FAT4: variants seen among roughly 807,000 people sequenced by gnomAD.
FAT4 encodes the protein FAT atypical cadherin 4, also known as protocadherin Fat 4.
Under a neutral mutation model 303.9 loss-of-function variants are expected in FAT4, and 84 were observed. The observed-to-expected ratio is 0.28, with a 90% CI of 0.23 to 0.33. FAT4 has a LOEUF of 0.33. Ranked by LOEUF, FAT4 falls within the 10% of genes least tolerant of loss-of-function variation. FAT4 has a pLI of 1.00. For synonymous variants in FAT4, 2,307 were observed against 2,298.8 expected (o/e 1.00, Z -0.10); for missense variants, 6,005 against 6,146.8 (o/e 0.98, Z 0.77).
intron 2 of FAT4, among the ~76,000 whole-genome samples, chr4:125,335,654 T>C (rs1051577271): frequency 6.6e-6 from 1 of 152,104 alleles, no homozygotes; most frequent in Non-Finnish European, 1.5e-5. Flanking sequence ...TTAAAGGATT[T>C]CATGTGTATT....
chr4:125,411,264 T>C (rs1453457384), intron 5 of FAT4, among the ~76,000 whole-genome samples: 2 of 152,114 alleles, frequency 1.3e-5, no homozygotes, highest in South Asian at 4.1e-4. Context: ...AAATCAGATC[T>C]TTTACTGTTT....
chr4:125,425,829 G>T (rs1725068523), intron 7 of FAT4, among the ~76,000 whole-genome samples: 1 of 152,006 alleles, frequency 6.6e-6, no homozygotes, highest in Admixed American at 6.6e-5. Context: ...TCTAGATTTG[G>T]CACAAAAGTT....
intron 12 of FAT4, among the ~76,000 whole-genome samples, chr4:125,474,360 A>C (rs1161176034): frequency 6.6e-6 from 1 of 152,014 alleles, no homozygotes; most frequent in African/African-American, 2.4e-5. Flanking sequence ...TAAGCAGCAG[A>C]AGTTGAATTA....
At chr4:125,489,112 A>C (rs2126095084) in intron 17 of FAT4, among the ~76,000 whole-genome samples, 1 of 152,338 alleles carries the variant, frequency 6.6e-6, no homozygotes, top group South Asian at 2.1e-4. Context: ...CCAGGTCATA[A>C]GTCCTTTTTA....
chr4:125,424,786 G>C (rs111407284), intron 7 of FAT4, among the ~76,000 whole-genome samples: 66 of 152,108 alleles, frequency 4.3e-4, no homozygotes, highest in Non-Finnish European at 6.0e-4. Flanking sequence ...AACATGATGC[G>C]GTTAAATTAA....
At chr4:125,480,040 G>T (rs1727169658) in intron 15 of FAT4, among the ~76,000 whole-genome samples, 175 bp downstream of exon 15, 5 of 152,094 alleles carry the variant, frequency 3.3e-5, no homozygotes, top group Admixed American at 3.3e-4. Context: ...TTTGTAACCT[G>T]AAGAAGAATG....
chr4:125,441,723 T>C (rs960820882), intron 8 of FAT4, among the ~76,000 whole-genome samples: 2 of 152,184 alleles, frequency 1.3e-5, no homozygotes, highest in South Asian at 2.1e-4. Context: ...AGTTTGCCTA[T>C]GGTATAACCC....
At chr4:125,381,879 G>C (rs1164837760) in intron 2 of FAT4, among the ~76,000 whole-genome samples, 2 of 152,110 alleles carry the variant, frequency 1.3e-5, no homozygotes, top group Non-Finnish European at 2.9e-5. Flanking sequence ...ATATTTTGTT[G>C]TCATTTCAAC....
intron 11 of FAT4, among the ~76,000 whole-genome samples, chr4:125,464,108 T>C (rs567626869): frequency 3.3e-5 from 5 of 152,310 alleles, no homozygotes; most frequent in Admixed American, 2.0e-4. Flanking sequence ...GTTTTTAATT[T>C]TGTTTTTTAT....
chr4:125,412,143 G>T (rs1734873180), intron 5 of FAT4, among the ~76,000 whole-genome samples: 1 of 151,830 alleles, frequency 6.6e-6, no homozygotes, highest in South Asian at 2.1e-4. Context: ...AAAATGGTCT[G>T]AGCTTAGTAT....
rs551270212 is a variant in FAT4, at chr4:125,461,811, GA to G, written c.11801-1743del. ...GCAACTGGGAAATACTGTGCTGTAAGAAAAAAAAATCTACATCACTAAAATG... is the reference window on the plus strand; with the variant it reads ...GCAACTGGGAAATACTGTGCTGTAAGAAAAAAAATCTACATCACTAAAATG... On this transcript the variant is annotated intron_variant, in intron 10 of 17. Coordinates refer to ENST00000394329, the MANE Select transcript of FAT4 (RefSeq NM_001291303.3). Among the ~76,000 whole-genome samples the G allele has an allele frequency of 8.6e-5, 13 of 150,992 alleles. No individual in the cohort carries two copies. In the South Asian group the frequency reaches 2.1e-3, roughly 24 times the overall value.
In FAT4 at chr4:125,450,757, A is replaced by G. The variant is rs1187401155; in HGVS notation, c.9747A>G (p.Thr3249=). 6.2e-7 allele frequency: 1 copy of G among 1,614,132 alleles called. No individual in the cohort carries two copies. The highest frequency in any genetic ancestry group is 1.1e-5 in the South Asian group (1 of 91,084). The change falls in exon 10 of 18, where the codon ACA becomes ACG. Residue 3249 remains threonine (T), a synonymous_variant. Coordinates refer to ENST00000394329, the MANE Select transcript of FAT4 (RefSeq NM_001291303.3). The stretch of plus-strand genomic sequence containing the variant: ...ACCTCTTTGTCATTGACCCTAACAC[A>G]GGAGTCATAACCACTCAAGGCTTCT... ...DSDLFVIDPN[T]GVITTQGFLD...
intron 2 of FAT4, among the ~76,000 whole-genome samples, chr4:125,344,634 T>C (rs965271236): frequency 6.6e-6 from 1 of 152,186 alleles, no homozygotes; most frequent in Non-Finnish European, 1.5e-5. Context: ...GTTATTCTGC[T>C]TTCCTATGTG....
At chr4:125,479,674 A>G (rs1671418444) in intron 14 of FAT4, 67 bp from the exon 15 acceptor site, 2 of 1,399,958 alleles carry the variant, frequency 1.4e-6, no homozygotes, top group Admixed American at 4.4e-5. Flanking sequence ...AAAAGTGTAT[A>G]TTGAGTTTTA....
rs1726070325 is a variant in FAT4 at position 125,451,479 on chromosome 4, C to T, written c.10469C>T (p.Pro3490Leu). Reference protein sequence around the residue: ...LSVLAVDSGTPSATGSASLLV... With the variant: ...LSVLAVDSGTLSATGSASLLV... ...GTTTTGGCTGTTGATTCAGGGACCC[C>T]CTCAGCTACAGGTAGTGCCTCTTTA... Residue 3490 changes from proline (P) to leucine (L), a missense_variant, in exon 10 of 18, where the codon CCC becomes CTC. Physicochemically the swap from Pro to Leu is moderately conservative, Grantham distance 98. Coordinates refer to ENST00000394329, the MANE Select transcript of FAT4 (RefSeq NM_001291303.3). The T allele has an allele frequency of 1.9e-6, 3 of 1,614,002 alleles. No individual in the cohort carries two copies. The highest frequency in any genetic ancestry group is 2.5e-6 in the Non-Finnish European group (3 of 1,180,026).
Position 125,338,840 on chromosome 4 carries a change from C to T in FAT4, c.5175+17254C>T, listed in dbSNP as rs187906585. Among the ~76,000 whole-genome samples, 567 of 151,846 alleles carry T rather than the reference C, an allele frequency of 3.7e-3. 5 individuals are homozygous for T. Among genetic ancestry groups the T allele is most frequent in the Admixed American group, 9.4e-3 (144 of 15,258 alleles). On this transcript the variant is annotated intron_variant, in intron 2 of 17. Transcript: ENST00000394329. ...AGAAAAAATATCAGGCAAATTATAC[C>T]CACCTTTATTCTTCTGTTTTTAAAA...
intron 10 of FAT4, among the ~76,000 whole-genome samples, chr4:125,459,618 G>A (rs980873527): frequency 6.6e-6 from 1 of 152,012 alleles, no homozygotes; most frequent in Non-Finnish European, 1.5e-5. Flanking sequence ...CTTCTAAACA[G>A]CTGCTATGGC....
chr4:125,417,367 G>T (rs924025389), intron 7 of FAT4, among the ~76,000 whole-genome samples: 1 of 152,116 alleles, frequency 6.6e-6, no homozygotes, highest in Non-Finnish European at 1.5e-5. Context: ...TGAAGCATTG[G>T]TCTAAATGTG....
chr4:125,316,869 A>G lies in FAT4; in HGVS notation c.458A>G (p.Gln153Arg), dbSNP rs745934649. 4.2e-5 allele frequency: 68 copies of G among 1,613,880 alleles called. No individual in the cohort carries two copies. The highest frequency in any genetic ancestry group is 5.4e-5 in the Non-Finnish European group (64 of 1,180,010). The change falls in exon 2 of 18, where the codon CAA becomes CGA. Residue 153 changes from glutamine to arginine, a missense_variant. Transcript: ENST00000394329. The surrounding 1 kb of genome is among the most constrained non-coding windows in gnomAD (Gnocchi z 5.7). ...TFKEDSSSGR[Q>R]VILDTATDSD... ...AAGGAAGACAGTAGCAGCGGACGCC[A>G]AGTCATCTTAGACACCGCCACCGAC...
Sources: gnomAD v4.1 joint callset for allele counts (sites outside exome capture counted in the v4.1 genomes callset) on GRCh38, gnomAD v4.1.1 for gene constraint, Gnocchi (gnomAD v3.1) non-coding constraint, MANE v1.5 for transcripts, NCBI Gene and HGNC (gene_info 2026-07-23, HGNC 2026-07-21) for gene names.